PTPRM: variants seen among roughly 807,000 people sequenced by gnomAD.
PTPRM encodes the protein protein tyrosine phosphatase receptor type M.
Under a neutral mutation model 186.7 loss-of-function variants are expected in PTPRM, and 47 were observed. That is an observed-to-expected ratio of 0.25 (90% confidence interval 0.20 to 0.32). PTPRM has a LOEUF of 0.32. PTPRM is among the 10% of genes least tolerant of loss of function. The probability of loss-of-function intolerance (pLI) is 1.00; values close to 1 mark genes in which losing one functional copy is unlikely to be tolerated. For synonymous variants in PTPRM, 668 were observed against 674.9 expected (o/e 0.99, Z 0.16); for missense variants, 1,494 against 1,865.0 (o/e 0.80, Z 3.66).
intron 14 of PTPRM, among the ~76,000 whole-genome samples, chr18:8,170,348 C>T (rs927174496): frequency 3.9e-5 from 6 of 152,092 alleles, no homozygotes; most frequent in African/African-American, 1.4e-4. Context: ...CTGTGCTGGC[C>T]GCACAGTTAT....
Position 8,126,025 on chromosome 18 carries a change from A to ATTTT in PTPRM, c.2167+11199_2167+11200insTTTT, listed in dbSNP as rs1215694977. Among the ~76,000 whole-genome samples, 51 of 57,248 alleles carry ATTTT rather than the reference A, an allele frequency of 8.9e-4. 3 individuals carry two copies. The highest frequency in any genetic ancestry group is 2.0e-3 in the East Asian group (3 of 1,512). 37.6% of individuals were successfully genotyped at this position (57,248 alleles called of 152,430 possible). A position where few individuals can be genotyped will look rare whatever the true frequency, so the allele number is the denominator to read the frequency against. ...TATATATATATATATATATATATATATATTTTAAATCAGTAGACCTTTCCA... is the reference window on the plus strand; with the variant it reads ...TATATATATATATATATATATATATATTTTTATTTTAAATCAGTAGACCTTTCCA... On this transcript the variant is annotated intron_variant, in intron 13 of 32. Transcript: ENST00000580170.
chr18:7,808,740 A>AGT (rs1354507994), intron 2 of PTPRM, among the ~76,000 whole-genome samples: 1 of 152,220 alleles, frequency 6.6e-6, no homozygotes, highest in African/African-American at 2.4e-5. Context: ...TTGGATAGGA[A>AGT]GTTAAACTCT....
At chr18:7,962,944 G>T (rs976808718) in intron 7 of PTPRM, among the ~76,000 whole-genome samples, 1 of 152,192 alleles carries the variant, frequency 6.6e-6, no homozygotes, top group African/African-American at 2.4e-5. Flanking sequence ...AGGCATAAAG[G>T]CCAAAGACCT....
At chr18:8,280,002 A>G (rs12967476) in intron 19 of PTPRM, among the ~76,000 whole-genome samples, 151,988 of 152,302 alleles carry the variant, frequency 1, 75,842 homozygotes, top group Middle Eastern at 1. Context: ...ACACATCAGA[A>G]TCGCTTCCAT....
rs539564239 is a variant in PTPRM, at chr18:8,271,000, A to G, written c.2754+17586A>G. 2.0e-5 allele frequency among the ~76,000 whole-genome samples: 3 copies of G among 152,294 alleles called. No homozygotes were observed. The South Asian group carries it at 6.2e-4, about 32-fold the overall frequency. Reference sequence around the variant, plus strand: ...TTGCTGAGACTTAAGTAGATCTTAAATGTTCTCACCACACACACAAAAGTA... The same window carrying G: ...TTGCTGAGACTTAAGTAGATCTTAAGTGTTCTCACCACACACACAAAAGTA... On this transcript the variant is annotated intron_variant, in intron 19 of 32. Coordinates refer to ENST00000580170, the MANE Select transcript of PTPRM (RefSeq NM_001105244.2).
intron 20 of PTPRM, among the ~76,000 whole-genome samples, chr18:8,314,154 T>C (rs2095290619): frequency 6.6e-6 from 1 of 152,210 alleles, no homozygotes; most frequent in Non-Finnish European, 1.5e-5. Flanking sequence ...AATTTGTGTT[T>C]TCATTGAATC....
chr18:7,855,212 G>A (rs1362072312), intron 2 of PTPRM, among the ~76,000 whole-genome samples: 5 of 152,146 alleles, frequency 3.3e-5, no homozygotes, highest in Non-Finnish European at 7.4e-5. Flanking sequence ...ATGCTGTGCA[G>A]GGGGGTATCC....
intron 13 of PTPRM, among the ~76,000 whole-genome samples, chr18:8,132,591 T>C (rs1417340021): frequency 6.6e-6 from 1 of 152,190 alleles, no homozygotes; most frequent in African/African-American, 2.4e-5. Flanking sequence ...GTAATTAATA[T>C]ACAGCAGAAA....
chr18:8,317,587 A>G (rs2095318146), intron 21 of PTPRM, among the ~76,000 whole-genome samples: 1 of 152,164 alleles, frequency 6.6e-6, no homozygotes, highest in Non-Finnish European at 1.5e-5. Flanking sequence ...TCCAACAACC[A>G]GGCCTTCCAC....
chr18:8,002,032 T>C (rs532714378), intron 7 of PTPRM, among the ~76,000 whole-genome samples: 2 of 152,306 alleles, frequency 1.3e-5, no homozygotes, highest in South Asian at 2.1e-4. Flanking sequence ...GGAAAACTGC[T>C]CCTGATTATT....
intron 2 of PTPRM, among the ~76,000 whole-genome samples, chr18:7,877,851 A>G (rs937013437): frequency 2.0e-5 from 3 of 152,200 alleles, no homozygotes; most frequent in Non-Finnish European, 2.9e-5. Flanking sequence ...TCAGATTGAG[A>G]GTGATTTTCA....
chr18:8,031,209 T>G (rs1457326034), intron 7 of PTPRM, among the ~76,000 whole-genome samples: 1 of 152,226 alleles, frequency 6.6e-6, no homozygotes, highest in Non-Finnish European at 1.5e-5. Context: ...CTTCACCCAC[T>G]TGAAGATAAC....
At chr18:8,402,765 T>C (rs1018632716) in intron 32 of PTPRM, 2 of 152,122 alleles carry the variant, frequency 1.3e-5, no homozygotes, top group African/African-American at 4.8e-5. Flanking sequence ...AAGTATCAAA[T>C]CCTGAAATAA....
intron 2 of PTPRM, among the ~76,000 whole-genome samples, chr18:7,812,314 T>C (rs148749621): frequency 9.0e-4 from 137 of 152,328 alleles, no homozygotes; most frequent in African/African-American, 3.1e-3. Context: ...CTTAGGTGCA[T>C]TGTGCACTGC....
intron 4 of PTPRM, among the ~76,000 whole-genome samples, chr18:7,919,295 T>C (rs2120319): frequency 0.1 from 15,682 of 152,204 alleles, 922 homozygotes; most frequent in African/African-American, 0.14. Flanking sequence ...TCTGGTTCCA[T>C]ATAAATTTTA....
intron 3 of PTPRM, among the ~76,000 whole-genome samples, chr18:7,898,250 G>A (rs778054849): frequency 6.6e-6 from 1 of 152,194 alleles, no homozygotes; most frequent in East Asian, 1.9e-4. Context: ...AAACCAGAAG[G>A]ATAGACTAGG....
intron 14 of PTPRM, among the ~76,000 whole-genome samples, chr18:8,171,945 A>G (rs1034794177): frequency 3.9e-5 from 6 of 152,206 alleles, no homozygotes; most frequent in Admixed American, 2.6e-4. Context: ...CATTTAACTT[A>G]TTGAATACTG....
chr18:8,024,017 T>G (rs2147991949), intron 7 of PTPRM, among the ~76,000 whole-genome samples: 1 of 152,298 alleles, frequency 6.6e-6, no homozygotes, highest in Middle Eastern at 3.4e-3. Flanking sequence ...TTATTTTTTA[T>G]GGGCTACATG....
intron 4 of PTPRM, among the ~76,000 whole-genome samples, chr18:7,908,559 G>A (rs1047357426): frequency 1.3e-5 from 2 of 152,110 alleles, no homozygotes; most frequent in African/African-American, 4.8e-5. Context: ...AAGGGGTTTT[G>A]CTCTCTCTGA....
Sources: allele counts gnomAD v4.1 joint callset (sites outside exome capture counted in the v4.1 genomes callset), GRCh38; gene constraint gnomAD v4.1.1; transcripts MANE v1.5; gene names NCBI Gene and HGNC (gene_info 2026-07-23, HGNC 2026-07-21).